Variants in ODAD2 observed in about 807,000 individuals in gnomAD.
ODAD2 encodes the protein outer dynein arm docking complex subunit 2.
Under a neutral mutation model 106.8 loss-of-function variants are expected in ODAD2, and 89 were observed. That is an observed-to-expected ratio of 0.83 (90% CI 0.70 to 0.99). ODAD2 has a LOEUF of 0.99. Ranked by LOEUF, ODAD2 falls within the 50% of genes least tolerant of loss-of-function variation. ODAD2 has a pLI of 0.00. For synonymous variants in ODAD2, 404 were observed against 436.2 expected, an observed-to-expected ratio of 0.93 and a Z score of 0.92; for missense variants, 1,168 against 1,238.5, an observed-to-expected ratio of 0.94 and a Z score of 0.85.
At chr10:27,916,252 C>G (rs183353932) in intron 16 of ODAD2, among the ~76,000 whole-genome samples, 4 of 152,058 alleles carry the variant, frequency 2.6e-5, no homozygotes, top group Admixed American at 2.6e-4. Context: ...GGAAGGTGGC[C>G]TAACATGGGG....
chr10:27,962,050 G>A (rs1404774455), intron 9 of ODAD2, among the ~76,000 whole-genome samples: 1 of 152,074 alleles, frequency 6.6e-6, no homozygotes, highest in Non-Finnish European at 1.5e-5. Flanking sequence ...CTCCAGCCTG[G>A]GAGACAGAAC....
intron 19 of ODAD2, among the ~76,000 whole-genome samples, chr10:27,832,208 C>G (rs11006736): frequency 6.6e-6 from 1 of 152,074 alleles, no homozygotes; most frequent in African/African-American, 2.4e-5. Flanking sequence ...ATCCTTAAAA[C>G]ATATCCTTGA....
chr10:27,964,758 C>T (rs1322379046), intron 9 of ODAD2, among the ~76,000 whole-genome samples: 1 of 152,160 alleles, frequency 6.6e-6, no homozygotes, highest in East Asian at 1.9e-4. Flanking sequence ...CCACTTTGGT[C>T]ACCATCAGAA....
chr10:27,851,043 C>T (rs370913598), intron 19 of ODAD2, among the ~76,000 whole-genome samples: 4 of 152,028 alleles, frequency 2.6e-5, no homozygotes, highest in East Asian at 1.9e-4. Flanking sequence ...CTTGAATATT[C>T]GGCTCAGTAC....
chr10:27,954,544 G>A (rs2132747655), intron 10 of ODAD2, among the ~76,000 whole-genome samples: 1 of 152,228 alleles, frequency 6.6e-6, no homozygotes, highest in East Asian at 1.9e-4. Context: ...GAAGCTTAAG[G>A]GAACTCCCCT....
At chr10:27,954,102 C>A (rs949821029) in intron 10 of ODAD2, among the ~76,000 whole-genome samples, 7 of 152,162 alleles carry the variant, frequency 4.6e-5, no homozygotes, top group African/African-American at 1.4e-4. Context: ...TATACCAAAT[C>A]TGATGCCTCT....
chr10:27,929,701 T>C (rs1564514849), intron 16 of ODAD2, among the ~76,000 whole-genome samples: 1 of 152,196 alleles, frequency 6.6e-6, no homozygotes, highest in South Asian at 2.1e-4. Flanking sequence ...TTGGCTAATG[T>C]GAAATTCTCA....
chr10:27,852,368 T>C (rs1026572498), intron 19 of ODAD2, among the ~76,000 whole-genome samples: 9 of 152,202 alleles, frequency 5.9e-5, no homozygotes, highest in Non-Finnish European at 1.3e-4. Context: ...AACACTTGTA[T>C]GATAAAAATA....
intron 7 of ODAD2, among the ~76,000 whole-genome samples, chr10:27,979,046 C>G (rs1031043604): frequency 6.6e-6 from 1 of 151,824 alleles, no homozygotes; most frequent in African/African-American, 2.4e-5. Context: ...CCCATCTCTA[C>G]TAAAAATCTA....
chr10:27,842,013 G>A (rs548700380), intron 19 of ODAD2, among the ~76,000 whole-genome samples: 1 of 152,110 alleles, frequency 6.6e-6, no homozygotes, highest in Non-Finnish European at 1.5e-5. Context: ...TATGGCCGCT[G>A]AACAAACACT....
At chr10:27,851,393 CAACATGTT>C (rs966327620) in intron 19 of ODAD2, among the ~76,000 whole-genome samples, 16 of 152,106 alleles carry the variant, frequency 1.1e-4, no homozygotes, top group Non-Finnish European at 1.5e-4. Context: ...ACCCATCACT[CAACATGTT>C]AACATTCAAG....
At chr10:27,911,674 G>T (rs1844025165) in intron 16 of ODAD2, among the ~76,000 whole-genome samples, 1 of 152,096 alleles carries the variant, frequency 6.6e-6, no homozygotes, top group African/African-American at 2.4e-5. Context: ...ATCACTTAAG[G>T]TCTACAACAA....
At chr10:27,931,939 G>T (rs1845643769) in intron 16 of ODAD2, among the ~76,000 whole-genome samples, 1 of 151,820 alleles carries the variant, frequency 6.6e-6, no homozygotes, top group Non-Finnish European at 1.5e-5. Context: ...AATCAAAAGT[G>T]CATTTAATAT....
rs35472668 is a variant in ODAD2, at chr10:27,939,997, C to T, written c.1997G>A (p.Arg666Gln). 0.033 allele frequency: 52,422 copies of T among 1,602,282 alleles called. 2,068 individuals carry two copies. Among genetic ancestry groups the T allele is most frequent in the East Asian group, 0.2 (8,782 of 43,840 alleles). The change falls in exon 14 of 20, where the codon CGG (arginine) becomes CAG (glutamine). Residue 666 changes from arginine to glutamine, a missense_variant. Arg to Gln is a conservative substitution (Grantham distance 43). Transcript: ENST00000305242. ...GATCCTTTCTGCTTTGATTGCAGCC[C>T]GGTAGTTTTCCTAGGAATAAAAACC... ...LQECASEENY[R>Q]AAIKAERIIE...
intron 17 of ODAD2, 44 bp from the exon 18 acceptor site, chr10:27,862,666 C>A: frequency 1.4e-6 from 2 of 1,449,866 alleles, no homozygotes; most frequent in Non-Finnish European, 1.8e-6. Context: ...ACTAAACCTA[C>A]ATTTAGGCAT....
At chr10:27,848,538 CA>C (rs140969989) in intron 19 of ODAD2, among the ~76,000 whole-genome samples, 90,499 of 151,966 alleles carry the variant, frequency 0.6, 27,307 homozygotes, top group Middle Eastern at 0.7. Context: ...ACAATGGTAA[CA>C]AAAGCCAAAA....
intron 13 of ODAD2, among the ~76,000 whole-genome samples, 186 bp from the exon 14 acceptor site, chr10:27,940,193 G>A (rs1014239106): frequency 1.3e-5 from 2 of 150,872 alleles, no homozygotes; most frequent in South Asian, 2.1e-4. Context: ...TTGTGTGTGT[G>A]TATATATATA....
At chr10:27,843,298 G>C (rs1838447817) in intron 19 of ODAD2, among the ~76,000 whole-genome samples, 1 of 152,196 alleles carries the variant, frequency 6.6e-6, no homozygotes, top group Non-Finnish European at 1.5e-5. Context: ...AAAAGATCGA[G>C]CTGAATCAAT....
intron 12 of ODAD2, among the ~76,000 whole-genome samples, chr10:27,942,940 A>C (rs529783997): frequency 6.2e-4 from 94 of 152,342 alleles, no homozygotes; most frequent in Non-Finnish European, 1.1e-3. Context: ...AAATTTCTGA[A>C]CACATTTTTC....
Sources: gnomAD v4.1 joint callset for allele counts (sites outside exome capture counted in the v4.1 genomes callset) on GRCh38, gnomAD v4.1.1 for gene constraint, MANE v1.5 for transcripts, NCBI Gene and HGNC (gene_info 2026-07-23, HGNC 2026-07-21) for gene names.